OTOP1: variants seen among roughly 807,000 people sequenced by gnomAD.
OTOP1 encodes proton channel OTOP1.
A neutral mutation model predicts 52.9 loss-of-function variants in OTOP1; 59 were observed. The observed-to-expected ratio is 1.12, with a 90% CI of 0.91 to 1.39. The LOEUF is 1.39. Ranked by LOEUF, OTOP1 falls within the 40% of genes most tolerant of loss-of-function variation. The pLI is 0.00. For synonymous variants in OTOP1, 317 were observed against 337.7 expected (o/e 0.94, Z 0.67); for missense variants, 761 against 800.9 (o/e 0.95, Z 0.60).
intron 5 of OTOP1, among the ~76,000 whole-genome samples, chr4:4,192,318 A>T (rs1716530382): frequency 6.6e-6 from 1 of 152,134 alleles, no homozygotes; most frequent in Non-Finnish European, 1.5e-5. Context: ...CCAAGGCACC[A>T]GACCACGGAA....
Position 4,226,911 on chromosome 4 carries a change from G to A in OTOP1, c.-47C>T. On this transcript the variant is annotated 5_prime_UTR_variant, in exon 1 of 6. Coordinates refer to ENST00000296358, the MANE Select transcript of OTOP1 (RefSeq NM_177998.3). ...TCTGGTCCCGGGGGTGGCTGCCGTC[G>A]GGCCCCGCCTGCGCTCCTGGCTCCT... The A allele has an allele frequency of 7.7e-7, 1 of 1,291,650 alleles. No homozygotes were observed. The highest frequency in any genetic ancestry group is 9.8e-7 in the Non-Finnish European group (1 of 1,022,528). 80.0% of individuals were successfully genotyped at this position (1,291,650 alleles called of 1,614,324 possible). A position where few individuals can be genotyped will look rare whatever the true frequency, so the allele number is the denominator to read the frequency against.
At chr4:4,192,305 C>T (rs1448118806) in intron 5 of OTOP1, among the ~76,000 whole-genome samples, 1 of 152,190 alleles carries the variant, frequency 6.6e-6, no homozygotes, top group Non-Finnish European at 1.5e-5. Flanking sequence ...CAGCCACCCC[C>T]ACCCAAGGCA....
chr4:4,196,604 T>G (rs1716632264), intron 5 of OTOP1, among the ~76,000 whole-genome samples: 1 of 152,120 alleles, frequency 6.6e-6, no homozygotes, highest in Non-Finnish European at 1.5e-5. Context: ...GGCACATGCC[T>G]GTGGTCCCAG....
In OTOP1 at chr4:4,188,902, A is replaced by C; in HGVS notation, c.1740T>G (p.Phe580Leu). The C allele has an allele frequency of 6.2e-7, 1 of 1,613,944 alleles. No homozygotes were observed. The highest frequency in any genetic ancestry group is 8.5e-7 in the Non-Finnish European group (1 of 1,179,830). The change falls in exon 6 of 6, where the codon TTT (phenylalanine) becomes TTG (leucine). Residue 580 changes from phenylalanine (F) to leucine (L), a missense_variant. Around this residue, in one of 3 missense-constraint regions of OTOP1, gnomAD observed 632 missense variants for 619.5 expected, o/e 1.02. Transcript: ENST00000296358. The part of the protein sequence containing the change: ...DNGLEEIVFG[F>L]EPWIIVVNLA... ...GGTTGACCACAATTATCCAGGGTTC[A>C]AAGCCAAAGACAATCTCCTCCAATC...
At chr4:4,200,091 A>G (rs1460225870) in intron 4 of OTOP1, among the ~76,000 whole-genome samples, 1 of 152,256 alleles carries the variant, frequency 6.6e-6, no homozygotes, top group African/African-American at 2.4e-5. Context: ...CTACAAAAAA[A>G]TAACCAAACG....
At chr4:4,190,702 G>A (rs1008674267) in intron 5 of OTOP1, among the ~76,000 whole-genome samples, 2 of 152,152 alleles carry the variant, frequency 1.3e-5, no homozygotes, top group Non-Finnish European at 2.9e-5. Context: ...GAGGACTTGA[G>A]CATCTGTGCA....
At chr4:4,218,406 C>T (rs1453923223) in intron 1 of OTOP1, among the ~76,000 whole-genome samples, 1 of 121,202 alleles carries the variant, frequency 8.3e-6, no homozygotes, top group Non-Finnish European at 1.8e-5. Context: ...AAAAAAAAAA[C>T]CTAAGTTGGA....
intron 2 of OTOP1, among the ~76,000 whole-genome samples, chr4:4,207,380 C>G (rs1337288872): frequency 6.6e-6 from 1 of 152,120 alleles, no homozygotes; most frequent in African/African-American, 2.4e-5. Context: ...AAATTCTACA[C>G]CCACACACTT....
intron 1 of OTOP1, among the ~76,000 whole-genome samples, chr4:4,216,340 G>C (rs893996399): frequency 2.0e-5 from 3 of 152,194 alleles, no homozygotes; most frequent in Non-Finnish European, 4.4e-5. Context: ...GAAAAAGGCA[G>C]TGATCACGAG....
chr4:4,210,646 C>A (rs1251917543), intron 2 of OTOP1, among the ~76,000 whole-genome samples: 4 of 152,164 alleles, frequency 2.6e-5, no homozygotes, highest in Non-Finnish European at 4.4e-5. Flanking sequence ...GCCTGGCCAA[C>A]ATGGTGAAAC....
At chr4:4,213,062 T>A in intron 1 of OTOP1, 58 bp from the exon 2 acceptor site, 1 of 1,570,678 alleles carries the variant, frequency 6.4e-7, no homozygotes, top group Non-Finnish European at 8.7e-7. Context: ...CATACATTGA[T>A]GTCATTTCAA....
At chr4:4,202,419 A>G (rs1363085486) in intron 4 of OTOP1, 29 bp downstream of exon 4, 1 of 1,612,254 alleles carries the variant, frequency 6.2e-7, no homozygotes, top group South Asian at 1.1e-5. Context: ...AACATGGCAG[A>G]AGGGCCACTC....
intron 2 of OTOP1, among the ~76,000 whole-genome samples, 165 bp downstream of exon 2, chr4:4,212,703 G>A (rs556349908): frequency 6.6e-6 from 1 of 152,308 alleles, no homozygotes; most frequent in Admixed American, 6.5e-5. Context: ...TTTTGCAATG[G>A]AGGCAGCTGA....
chr4:4,217,329 G>C (rs1461010301), intron 1 of OTOP1, among the ~76,000 whole-genome samples: 1 of 152,204 alleles, frequency 6.6e-6, no homozygotes, highest in African/African-American at 2.4e-5. Flanking sequence ...CAAAATATCA[G>C]AGAGATGAGC....
intron 5 of OTOP1, among the ~76,000 whole-genome samples, chr4:4,191,144 C>A (rs535002747): frequency 6.6e-6 from 1 of 152,136 alleles, no homozygotes; most frequent in African/African-American, 2.4e-5. Flanking sequence ...AGGTGTCATC[C>A]TTATCTCCCT....
chr4:4,196,421 G>A (rs532908566), intron 5 of OTOP1, among the ~76,000 whole-genome samples: 1 of 152,322 alleles, frequency 6.6e-6, no homozygotes, highest in African/African-American at 2.4e-5. Flanking sequence ...GCCAAGTGTG[G>A]TGGCAGGTGC....
intron 1 of OTOP1, among the ~76,000 whole-genome samples, chr4:4,221,319 T>C (rs1717297039): frequency 6.6e-6 from 1 of 152,034 alleles, no homozygotes; most frequent in Non-Finnish European, 1.5e-5. Flanking sequence ...GCTATTCGGG[T>C]GGCTGAGGTG....
intron 5 of OTOP1, among the ~76,000 whole-genome samples, chr4:4,189,500 C>T (rs570493445): frequency 3.6e-4 from 55 of 152,340 alleles, no homozygotes; most frequent in Middle Eastern, 3.4e-3. Context: ...GCTTCCTCCA[C>T]TCCCTGGCTG....
chr4:4,188,771 TA>T lies in OTOP1; in HGVS notation c.*31del. The T allele has an allele frequency of 6.4e-7, 1 of 1,565,692 alleles. No homozygotes were observed. Among genetic ancestry groups the T allele is most frequent in the Non-Finnish European group, 8.6e-7 (1 of 1,156,912 alleles). ...CTAGTTGGCTCCAATGAACTCTTGT[TA>T]GCTCACTCCTAGGTCTCTTGTGGAC... is the stretch of plus-strand genomic sequence containing the variant. On this transcript the variant is annotated 3_prime_UTR_variant, in exon 6 of 6. Coordinates refer to ENST00000296358, the MANE Select transcript of OTOP1 (RefSeq NM_177998.3).
Sources: gnomAD v4.1 joint callset for allele counts (sites outside exome capture counted in the v4.1 genomes callset) on GRCh38, gnomAD v4.1.1 for gene constraint, gnomAD v4.1.1 regional missense constraint, MANE v1.5 for transcripts, NCBI Gene and HGNC (gene_info 2026-07-23, HGNC 2026-07-21) for gene names.